Variants in TNFRSF10B observed in about 807,000 individuals in gnomAD.
The protein encoded by TNFRSF10B is tumor necrosis factor receptor superfamily member 10B.
In TNFRSF10B, 35 loss-of-function variants were observed where a neutral mutation model predicts 41.4. The observed-to-expected ratio is 0.85, with a 90% confidence interval of 0.65 to 1.12. The LOEUF is 1.12. Among genes scored for constraint, TNFRSF10B ranks in the 50% most tolerant of loss-of-function variants. The probability of loss-of-function intolerance (pLI) is 0.00; values close to 1 mark genes in which losing one functional copy is unlikely to be tolerated. For missense variants in TNFRSF10B, 584 were observed against 552.7 expected, an observed-to-expected ratio of 1.06 and a Z score of -0.57; for synonymous variants, 230 against 215.5, an observed-to-expected ratio of 1.07 and a Z score of -0.59.
Position 23,022,435 on chromosome 8 carries a change from A to G in TNFRSF10B, c.*236T>C. 2 of 649,690 alleles carry G rather than the reference A, an allele frequency of 3.1e-6. No homozygotes were observed. The highest frequency in any genetic ancestry group is 4.1e-5 in the Admixed American group (2 of 48,374). The allele number at this position is 649,690 out of a possible 1,614,324, so 40.2% of individuals were successfully genotyped here. On this transcript the variant is annotated 3_prime_UTR_variant, in exon 9 of 9. Transcript: ENST00000276431. ...AAATCTCAAAGTACGCACAAACGGA[A>G]TGATCCAGACATTTCCATAGTGTCC...
At position 23,029,734 on chromosome 8, in the gene TNFRSF10B, C is replaced by T. The variant is rs772531120; in HGVS notation, c.365-13G>A. 4 of 1,610,530 alleles carry T rather than the reference C, an allele frequency of 2.5e-6. No homozygotes were observed. In the South Asian group the frequency reaches 3.3e-5, roughly 13 times the overall value. Reference sequence around the variant, plus strand: ...AGCTCCACTTCACCTGACGACAGAGCATAAGGTTTTGGGAATGTGTTTTCC... The same window carrying T: ...AGCTCCACTTCACCTGACGACAGAGTATAAGGTTTTGGGAATGTGTTTTCC... On this transcript the variant is annotated splice_polypyrimidine_tract_variant and intron_variant, in intron 3 of 8. Coordinates refer to ENST00000276431, the MANE Select transcript of TNFRSF10B (RefSeq NM_003842.5).
intron 2 of TNFRSF10B, among the ~76,000 whole-genome samples, chr8:23,040,388 ATATT>A (rs1464575096): frequency 1.3e-5 from 1 of 79,914 alleles, no homozygotes; most frequent in Non-Finnish European, 2.8e-5. Flanking sequence ...TACAAAATAT[ATATT>A]TATTAAATAT....
rs1812259636 is a variant in TNFRSF10B at position 23,043,218 on chromosome 8, G to A, written c.170C>T (p.Thr57Ile). Residue 57 changes from threonine (T) to isoleucine (I), a missense_variant, in exon 2 of 9, where the codon ACC becomes ATC. Coordinates refer to ENST00000276431, the MANE Select transcript of TNFRSF10B (RefSeq NM_003842.5). ...CTGCTGGGGAGCTAGGTCTTGTTGG[G>A]TGATCAGAGCAGACTCAGCTGAGAC... ...LLVSAESALI[T>I]QQDLAPQQRA... 1 of 1,613,984 alleles carries A rather than the reference G, an allele frequency of 6.2e-7. No homozygotes were observed. Among genetic ancestry groups the A allele is most frequent in the South Asian group, 1.1e-5 (1 of 91,076 alleles).
At chr8:23,029,543 G>T in intron 4 of TNFRSF10B, 67 bp downstream of exon 4, 1 of 1,466,034 alleles carries the variant, frequency 6.8e-7, no homozygotes, top group Non-Finnish European at 9.4e-7. Flanking sequence ...GAGAGACAGG[G>T]GTACAAGGAG....
At chr8:23,036,300 G>A (rs1009876790) in intron 2 of TNFRSF10B, among the ~76,000 whole-genome samples, 1 of 152,122 alleles carries the variant, frequency 6.6e-6, no homozygotes, top group African/African-American at 2.4e-5. Flanking sequence ...ATACAAAATT[G>A]GGCTTAAATA....
At chr8:23,039,940 C>G (rs1170377585) in intron 2 of TNFRSF10B, among the ~76,000 whole-genome samples, 1 of 152,074 alleles carries the variant, frequency 6.6e-6, no homozygotes, top group African/African-American at 2.4e-5. Flanking sequence ...TACCTGTAAT[C>G]CCAACACTTT....
chr8:23,027,456 C>A (rs1811737564), intron 6 of TNFRSF10B, 168 bp from the exon 7 acceptor site: 4 of 882,422 alleles, frequency 4.5e-6, no homozygotes, highest in Non-Finnish European at 5.3e-6. Context: ...TGGGGCCAGG[C>A]CCCCAGTGCT....
At chr8:23,026,603 T>C (rs1370330119) in intron 7 of TNFRSF10B, among the ~76,000 whole-genome samples, 1 of 152,188 alleles carries the variant, frequency 6.6e-6, no homozygotes, top group African/African-American at 2.4e-5. Flanking sequence ...ACAATAAATG[T>C]ATATACAGAT....
intron 1 of TNFRSF10B, among the ~76,000 whole-genome samples, chr8:23,048,755 C>T (rs1007808831): frequency 1.3e-5 from 2 of 151,792 alleles, no homozygotes; most frequent in African/African-American, 4.8e-5. Context: ...AACTTTGTAC[C>T]CTATAAATCC....
chr8:23,066,183 C>T (rs1585231128), intron 1 of TNFRSF10B, among the ~76,000 whole-genome samples: 1 of 151,762 alleles, frequency 6.6e-6, no homozygotes, highest in African/African-American at 2.4e-5. Context: ...CTTGGGAGGC[C>T]GAGGTGGGAG....
rs979392688 is a variant in TNFRSF10B at position 23,028,558 on chromosome 8, C to T, written c.521G>A (p.Ser174Asn). Residue 174 changes from serine to asparagine, a missense_variant, in exon 5 of 9, where the codon AGT becomes AAT. By Grantham distance (46) the Ser-to-Asn change is conservative (BLOSUM62 1). Transcript: ENST00000276431. ...TTCTTTGTGGACACATTCGATGTCA[C>T]TCCAGGGTGTACAATCACCGACCTT... ...MVKVGDCTPW[S>N]DIECVHKESG... The T allele has an allele frequency of 1.2e-6, 2 of 1,614,012 alleles. No homozygotes were observed. The highest frequency in any genetic ancestry group is 2.7e-5 in the African/African-American group (2 of 74,906).
At position 23,022,666 on chromosome 8, in the gene TNFRSF10B, C is replaced by A. The variant is rs373566329; in HGVS notation, c.*5G>T. 126 of 1,613,998 alleles carry A rather than the reference C, an allele frequency of 7.8e-5. 1 individual carries two copies. The African/African-American group carries it at 1.5e-3, about 19-fold the overall frequency. ...GAAGGTCTGACTTCCTGAAGAGAAT[C>A]ACACTTAGGACATGGCAGAGTCTGC... On this transcript the variant is annotated 3_prime_UTR_variant, in exon 9 of 9. Transcript: ENST00000276431.
intron 7 of TNFRSF10B, among the ~76,000 whole-genome samples, chr8:23,025,735 G>A (rs1256703661): frequency 6.6e-6 from 1 of 152,206 alleles, no homozygotes; most frequent in Non-Finnish European, 1.5e-5. Flanking sequence ...GTATGATCAA[G>A]TTTTTTCATA....
chr8:23,023,792 G>A (rs761435237), intron 8 of TNFRSF10B, among the ~76,000 whole-genome samples: 1 of 152,064 alleles, frequency 6.6e-6, no homozygotes, highest in Non-Finnish European at 1.5e-5. Flanking sequence ...TTTGGCATTC[G>A]TATGTAGTTT....
At position 23,024,176 on chromosome 8, in the gene TNFRSF10B, C is replaced by A. The variant is rs746809184; in HGVS notation, c.1009+12G>T. Reference sequence around the variant, plus strand: ...TCCATTCCTGCTGCATCTCCAGGAGCAAAACACTTACTCTCAGTGGGATCA... The same window carrying A: ...TCCATTCCTGCTGCATCTCCAGGAGAAAAACACTTACTCTCAGTGGGATCA... On this transcript the variant is annotated intron_variant, in intron 8 of 8. Transcript: ENST00000276431. 3.1e-6 allele frequency: 5 copies of A among 1,614,108 alleles called. No homozygotes were observed. In the South Asian group the frequency reaches 5.5e-5, roughly 18 times the overall value.
intron 6 of TNFRSF10B, 170 bp from the exon 7 acceptor site, chr8:23,027,458 C>T: frequency 1.1e-6 from 1 of 879,288 alleles, no homozygotes; most frequent in Non-Finnish European, 1.8e-6. Flanking sequence ...GGGCCAGGCC[C>T]CCAGTGCTGT....
chr8:23,050,998 T>C (rs961632706), intron 1 of TNFRSF10B, among the ~76,000 whole-genome samples: 12 of 152,140 alleles, frequency 7.9e-5, no homozygotes, highest in Admixed American at 6.5e-4. Context: ...TGCTTTTACC[T>C]GGGAGGCAGA....
intron 1 of TNFRSF10B, among the ~76,000 whole-genome samples, chr8:23,045,213 G>A (rs4602884): frequency 0.013 from 2,031 of 151,882 alleles, 40 homozygotes; most frequent in African/African-American, 0.047. Flanking sequence ...CTGGGCAACA[G>A]AGGGAGACTC....
In TNFRSF10B at chr8:23,022,771, G is replaced by A. The variant is rs115227284; in HGVS notation, c.1223C>T (p.Thr408Met). The A allele has an allele frequency of 1.1e-3, 1,731 of 1,613,896 alleles. 17 individuals carry two copies. In the African/African-American group the frequency reaches 0.019, roughly 18 times the overall value. ...SVHTLLDALE[T>M]LGERLAKQKI... ...CTGCTTGGCAAGTCTCTCTCCCAGC[G>A]TCTCCAAGGCATCCAGCAGGGTGTG... Residue 408 changes from threonine (T) to methionine (M), a missense_variant, in exon 9 of 9, where the codon ACG (threonine) becomes ATG (methionine). Transcript: ENST00000276431.
Sources: gnomAD v4.1 joint callset for allele counts (sites outside exome capture counted in the v4.1 genomes callset) on GRCh38, gnomAD v4.1.1 for gene constraint, MANE v1.5 for transcripts, NCBI Gene and HGNC (gene_info 2026-07-23, HGNC 2026-07-21) for gene names.